Variants in CADPS2 observed in about 807,000 individuals in gnomAD.
CADPS2 encodes the protein calcium-dependent secretion activator 2.
CADPS2 carries 93 observed loss-of-function variants against 172.5 expected under a neutral mutation model. The ratio of observed to expected loss-of-function variants is 0.54; its 90% CI spans 0.46 to 0.64. The LOEUF (loss-of-function observed/expected upper bound fraction) is 0.64. Ranked by LOEUF, CADPS2 falls within the 30% of genes least tolerant of loss-of-function variation. The pLI is 0.00. For missense variants in CADPS2, 1,420 were observed against 1,565.9 expected, an observed-to-expected ratio of 0.91 and a Z score of 1.57; for synonymous variants, 546 against 555.2, an observed-to-expected ratio of 0.98 and a Z score of 0.23.
intron 27 of CADPS2, among the ~76,000 whole-genome samples, chr7:122,354,886 G>A (rs2151074489): frequency 6.6e-6 from 1 of 152,238 alleles, no homozygotes; most frequent in South Asian, 2.1e-4. Context: ...GTCTAGCCAA[G>A]AGCAATCTAT....
intron 9 of CADPS2, among the ~76,000 whole-genome samples, chr7:122,501,264 C>T (rs747516697): frequency 1.3e-5 from 2 of 150,666 alleles, no homozygotes; most frequent in African/African-American, 2.4e-5. Flanking sequence ...AAAAACAAAA[C>T]AAAAAAAACA....
intron 2 of CADPS2, among the ~76,000 whole-genome samples, chr7:122,710,808 T>C (rs896749639): frequency 6.6e-6 from 1 of 152,118 alleles, no homozygotes; most frequent in Non-Finnish European, 1.5e-5. Context: ...TTATATTATA[T>C]ATAATTAGAG....
At chr7:122,345,807 C>A in intron 27 of CADPS2, 126 bp from the exon 28 acceptor site, 1 of 574,034 alleles carries the variant, frequency 1.7e-6, no homozygotes, top group Non-Finnish European at 3.0e-6. Flanking sequence ...AAAACTAAAC[C>A]AAAAGTGAGC....
chr7:122,553,324 C>T (rs2064570794), intron 8 of CADPS2, among the ~76,000 whole-genome samples: 1 of 152,130 alleles, frequency 6.6e-6, no homozygotes, highest in Non-Finnish European at 1.5e-5. Flanking sequence ...TACTGGTGAG[C>T]AGGTAGATGG....
chr7:122,661,635 G>A (rs1409628782), intron 3 of CADPS2, among the ~76,000 whole-genome samples: 1 of 152,128 alleles, frequency 6.6e-6, no homozygotes, highest in African/African-American at 2.4e-5. Flanking sequence ...CCCATCCTCA[G>A]AATAAAAAGC....
rs182647384 is a variant in CADPS2 at position 122,588,739 on chromosome 7, T to G, written c.1224-7449A>C. ...GTCTTTCTGCTGTCCTATGAGAGATTTGCTGAAGAAACTGACTTTGGATTC... is the reference window on the plus strand; with the variant it reads ...GTCTTTCTGCTGTCCTATGAGAGATGTGCTGAAGAAACTGACTTTGGATTC... On this transcript the variant is annotated intron_variant, in intron 6 of 29. Coordinates refer to ENST00000449022, the MANE Select transcript of CADPS2 (RefSeq NM_017954.11). Among the ~76,000 whole-genome samples the G allele has an allele frequency of 3.1e-4, 47 of 152,040 alleles. 2 individuals are homozygous for G. In the South Asian group the frequency reaches 3.9e-3, roughly 13 times the overall value.
intron 6 of CADPS2, among the ~76,000 whole-genome samples, chr7:122,602,342 C>T (rs1196415703): frequency 6.6e-6 from 1 of 151,942 alleles, no homozygotes; most frequent in Non-Finnish European, 1.5e-5. Flanking sequence ...TTACTGCATA[C>T]ACAACTCCAT....
intron 1 of CADPS2, among the ~76,000 whole-genome samples, chr7:122,806,615 T>C (rs970654719): frequency 6.6e-6 from 1 of 152,202 alleles, no homozygotes; most frequent in African/African-American, 2.4e-5. Flanking sequence ...CAGCTTAACA[T>C]TAATGCAGTC....
chr7:122,438,462 AACCTAC>A lies in CADPS2; in HGVS notation c.2353-4_2354del. The A allele has an allele frequency of 6.2e-7, 1 of 1,612,622 alleles. No homozygotes were observed. The highest frequency in any genetic ancestry group is 8.5e-7 in the Non-Finnish European group (1 of 1,179,114). On this transcript the variant is annotated splice_acceptor_variant and splice_polypyrimidine_tract_variant and coding_sequence_variant and intron_variant, in exon 17 of 30. Coordinates refer to ENST00000449022, the MANE Select transcript of CADPS2 (RefSeq NM_017954.11). LOFTEE classifies it high-confidence loss of function. ...TGGGAGTGGCAATATCTTTCATTAA[AACCTAC>A]AGAGAGAGGAAGTGGAAGGGTGAGG...
intron 1 of CADPS2, among the ~76,000 whole-genome samples, chr7:122,795,561 T>A (rs559969811): frequency 6.6e-6 from 1 of 152,276 alleles, no homozygotes; most frequent in South Asian, 2.1e-4. Flanking sequence ...TGGTTCAACA[T>A]ACACAAGTCA....
intron 11 of CADPS2, among the ~76,000 whole-genome samples, chr7:122,484,945 T>C (rs1206454642): frequency 2.0e-5 from 3 of 151,904 alleles, no homozygotes; most frequent in Non-Finnish European, 4.4e-5. Flanking sequence ...ATTCTCACAG[T>C]ATTTCCAACT....
rs1340091728 is a variant in CADPS2, at chr7:122,393,240, A to G, written c.2964T>C (p.Pro988=). 1 of 1,613,910 alleles carries G rather than the reference A, an allele frequency of 6.2e-7. No homozygotes were observed. The highest frequency in any genetic ancestry group is 8.5e-7 in the Non-Finnish European group (1 of 1,179,790). ...PSLPLNLPQI[P]NISTASWMPS... The stretch of plus-strand genomic sequence containing the variant: ...GCATCCACGAAGCAGTAGAAATGTT[A>G]GGAATCTGTGGAAGATTAAGAGGCA... The change falls in exon 22 of 30, where the codon CCT becomes CCC. Residue 988 remains proline, a synonymous_variant. Transcript: ENST00000449022.
intron 3 of CADPS2, among the ~76,000 whole-genome samples, chr7:122,631,884 C>T (rs907756724): frequency 2.6e-5 from 4 of 152,052 alleles, no homozygotes; most frequent in Non-Finnish European, 4.4e-5. Context: ...CTATTCCCAT[C>T]TTTATATCTA....
Position 122,732,965 on chromosome 7 carries a change from A to G in CADPS2, c.453+3990T>C, listed in dbSNP as rs554632933. ...AGATTCAGAAATGGCTATCACAGCT[A>G]AAGGATTGTAAACATAATAAATGAG... On this transcript the variant is annotated intron_variant, in intron 2 of 29. Coordinates refer to ENST00000449022, the MANE Select transcript of CADPS2 (RefSeq NM_017954.11). 1.1e-3 allele frequency among the ~76,000 whole-genome samples: 165 copies of G among 146,014 alleles called. 2 individuals are homozygous for G. Among genetic ancestry groups the G allele is most frequent in the Non-Finnish European group, 1.9e-3 (127 of 66,490 alleles).
chr7:122,406,691 T>C (rs186281249), intron 20 of CADPS2, among the ~76,000 whole-genome samples: 6 of 152,244 alleles, frequency 3.9e-5, no homozygotes, highest in Admixed American at 6.5e-5. Flanking sequence ...AGAAAATACA[T>C]GACAGAAGAC....
chr7:122,842,048 G>T (rs141248907), intron 1 of CADPS2, among the ~76,000 whole-genome samples: 1 of 152,272 alleles, frequency 6.6e-6, no homozygotes, highest in African/African-American at 2.4e-5. Flanking sequence ...CTCCTAGGCT[G>T]GAAAAGGAGA....
chr7:122,365,479 C>T (rs1369651344), intron 25 of CADPS2, among the ~76,000 whole-genome samples: 1 of 152,184 alleles, frequency 6.6e-6, no homozygotes, highest in African/African-American at 2.4e-5. Context: ...ATATACCTTC[C>T]ACCTGGCTTT....
intron 1 of CADPS2, among the ~76,000 whole-genome samples, chr7:122,738,270 C>G (rs1205239737): frequency 6.6e-6 from 1 of 152,094 alleles, no homozygotes; most frequent in Non-Finnish European, 1.5e-5. Context: ...TTAACAATTT[C>G]AAGACGGCAG....
At chr7:122,658,308 C>G (rs906286281) in intron 3 of CADPS2, among the ~76,000 whole-genome samples, 3 of 152,170 alleles carry the variant, frequency 2.0e-5, no homozygotes, top group South Asian at 2.1e-4. Context: ...TAAACTAGTT[C>G]AACCACTGTG....
Sources: allele counts gnomAD v4.1 joint callset (sites outside exome capture counted in the v4.1 genomes callset), GRCh38; gene constraint gnomAD v4.1.1; transcripts MANE v1.5; gene names NCBI Gene and HGNC (gene_info 2026-07-23, HGNC 2026-07-21).